Variants in STRN observed in about 807,000 individuals in gnomAD.
STRN encodes striatin, also known as protein phosphatase 2 regulatory subunit B'''alpha.
In STRN, 53 loss-of-function variants were observed where a neutral mutation model predicts 96.3. The ratio of observed to expected loss-of-function variants is 0.55; its 90% CI spans 0.44 to 0.69. STRN has a LOEUF of 0.69. Ranked by LOEUF, STRN falls within the 30% of genes least tolerant of loss-of-function variation. The pLI is 0.00. For synonymous variants in STRN, 428 were observed against 355.9 expected (o/e 1.20, Z -2.28); for missense variants, 987 against 963.9 (o/e 1.02, Z -0.32).
At chr2:36,894,128 T>A (rs757686412) in intron 6 of STRN, 95 bp from the exon 7 acceptor site, 29 of 1,422,970 alleles carry the variant, frequency 2.0e-5, no homozygotes, top group Non-Finnish European at 2.7e-5. Context: ...AGTATACGTT[T>A]GTTGTGTTAA....
chr2:36,869,046 T>A lies in STRN; in HGVS notation c.1499+508A>T, dbSNP rs1401122863. Among the ~76,000 whole-genome samples the A allele has an allele frequency of 2.0e-5, 3 of 152,190 alleles. No homozygotes were observed. The South Asian group carries it at 6.2e-4, about 31-fold the overall frequency. ...GTGAGCACTAGCAGTCATGTTAGCC[T>A]CTGAGTCTAGACATATTGGTGGGTA... On this transcript the variant is annotated intron_variant, in intron 11 of 17. Transcript: ENST00000263918.
rs190135602 is a variant in STRN at position 36,883,887 on chromosome 2, T to C, written c.1186+45A>G. On this transcript the variant is annotated intron_variant, in intron 9 of 17. Transcript: ENST00000263918. ...TTTCTAATGAATGAATTTAAAGATA[T>C]ACATCCAAGTGCATTTTGTGCTCCA... is the stretch of plus-strand genomic sequence containing the variant. 9.5e-5 allele frequency: 124 copies of C among 1,312,158 alleles called. No individual in the cohort carries two copies. The African/African-American group carries it at 1.7e-3, about 18-fold the overall frequency. 81.3% of individuals were successfully genotyped at this position (1,312,158 alleles called of 1,614,324 possible).
intron 2 of STRN, among the ~76,000 whole-genome samples, chr2:36,922,025 T>C (rs906641464): frequency 7.9e-5 from 12 of 152,198 alleles, no homozygotes; most frequent in African/African-American, 2.4e-4. Flanking sequence ...ACTATAATCA[T>C]ATAAGGAAAT....
rs917793919 is a variant in STRN, at chr2:36,845,350, A to T, written c.*4106T>A. 6.6e-6 allele frequency: 1 copy of T among 151,612 alleles called. No individual in the cohort carries two copies. Among genetic ancestry groups the T allele is most frequent in the African/African-American group, 2.4e-5 (1 of 40,882 alleles). The allele number at this position is 151,612 out of a possible 1,614,324, so 9.4% of individuals were successfully genotyped here. A position where few individuals can be genotyped will look rare whatever the true frequency, so the allele number is the denominator to read the frequency against. ...AATGACAAAGCCTGAGAAAAGCACC[A>T]ACATAGATTTTTTTTTAATTGCATC... On this transcript the variant is annotated 3_prime_UTR_variant, in exon 18 of 18. Coordinates refer to ENST00000263918, the MANE Select transcript of STRN (RefSeq NM_003162.4).
rs997341056 is a variant in STRN, at chr2:36,849,324, C to T, written c.*132G>A. On this transcript the variant is annotated 3_prime_UTR_variant, in exon 18 of 18. Coordinates refer to ENST00000263918, the MANE Select transcript of STRN (RefSeq NM_003162.4). ...GTATATGAATTGCAAAACTATACTT[C>T]AACAAATGTTCTCTGTGCTCCTTCA... 2.5e-5 allele frequency: 27 copies of T among 1,098,378 alleles called. No individual in the cohort carries two copies. The highest frequency in any genetic ancestry group is 3.5e-5 in the Non-Finnish European group (27 of 778,910). The allele number at this position is 1,098,378 out of a possible 1,614,324, so 68.0% of individuals were successfully genotyped here.
chr2:36,951,362 G>T (rs1173359024), intron 1 of STRN, among the ~76,000 whole-genome samples: 1 of 152,156 alleles, frequency 6.6e-6, no homozygotes, highest in Non-Finnish European at 1.5e-5. Context: ...ATTTGGTATG[G>T]CCCAGGCAAT....
At position 36,845,838 on chromosome 2, in the gene STRN, TAA is replaced by T. The variant is rs1668053602; in HGVS notation, c.*3616_*3617del. 1 of 148,312 alleles carries T rather than the reference TAA, an allele frequency of 6.7e-6. No homozygotes were observed. The highest frequency in any genetic ancestry group is 1.5e-5 in the Non-Finnish European group (1 of 67,168). The allele number at this position is 148,312 out of a possible 1,614,324, so 9.2% of individuals were successfully genotyped here. A position where few individuals can be genotyped will look rare whatever the true frequency, so the allele number is the denominator to read the frequency against. On this transcript the variant is annotated 3_prime_UTR_variant, in exon 18 of 18. Transcript: ENST00000263918. Reference sequence around the variant, plus strand: ...AGTCCTAGAAGTTGAGCAGATACATTAAAAAGACATTGATGGTCACAAATCAG... The same window carrying T: ...AGTCCTAGAAGTTGAGCAGATACATTAAAGACATTGATGGTCACAAATCAG...
intron 1 of STRN, among the ~76,000 whole-genome samples, chr2:36,948,311 G>C (rs1038761242): frequency 1.3e-5 from 2 of 151,754 alleles, no homozygotes; most frequent in Non-Finnish European, 2.9e-5. Context: ...TGTTGGCCAG[G>C]CTGGTCTCCA....
At chr2:36,880,103 G>C (rs1221384655) in intron 9 of STRN, among the ~76,000 whole-genome samples, 3 of 152,200 alleles carry the variant, frequency 2.0e-5, no homozygotes, top group Admixed American at 2.0e-4. Flanking sequence ...AAGTAGCTGA[G>C]ATTACAGGCA....
chr2:36,871,642 T>C (rs1668765105), intron 10 of STRN, among the ~76,000 whole-genome samples: 1 of 152,202 alleles, frequency 6.6e-6, no homozygotes, highest in South Asian at 2.1e-4. Context: ...ACAGCTGTTA[T>C]TTTGGGCATT....
At chr2:36,938,094 G>A (rs1670752083) in intron 1 of STRN, among the ~76,000 whole-genome samples, 3 of 152,132 alleles carry the variant, frequency 2.0e-5, no homozygotes, top group South Asian at 4.1e-4. Flanking sequence ...AGGAAAAAGT[G>A]TTATCATGCA....
At chr2:36,938,810 G>C (rs937188722) in intron 1 of STRN, among the ~76,000 whole-genome samples, 1 of 151,912 alleles carries the variant, frequency 6.6e-6, no homozygotes, top group African/African-American at 2.4e-5. Flanking sequence ...TTCTCTATTA[G>C]ACATAATATA....
intron 3 of STRN, among the ~76,000 whole-genome samples, chr2:36,907,480 G>A (rs149774676): frequency 1.0e-3 from 152 of 152,110 alleles, no homozygotes; most frequent in African/African-American, 3.3e-3. Flanking sequence ...CCTGAGAGGC[G>A]GAGGTTGCAG....
At chr2:36,929,674 C>T (rs537034636) in intron 1 of STRN, among the ~76,000 whole-genome samples, 6 of 152,258 alleles carry the variant, frequency 3.9e-5, no homozygotes, top group African/African-American at 1.2e-4. Flanking sequence ...TGAGCCACCA[C>T]GCCCAGCCTT....
At chr2:36,930,056 G>A (rs568311734) in intron 1 of STRN, among the ~76,000 whole-genome samples, 14 of 152,166 alleles carry the variant, frequency 9.2e-5, no homozygotes, top group African/African-American at 3.4e-4. Flanking sequence ...GAAAAGCTTT[G>A]GATTATATTA....
chr2:36,893,608 T>C (rs530280744), intron 7 of STRN, among the ~76,000 whole-genome samples: 7 of 152,332 alleles, frequency 4.6e-5, no homozygotes, highest in African/African-American at 1.7e-4. Context: ...CACAAAAATC[T>C]AGATTTGCAA....
intron 3 of STRN, among the ~76,000 whole-genome samples, chr2:36,909,466 A>C (rs1326390366): frequency 1.3e-5 from 2 of 152,326 alleles, no homozygotes; most frequent in African/African-American, 4.8e-5. Context: ...ACAGACGATA[A>C]ACAATGGTTT....
intron 15 of STRN, among the ~76,000 whole-genome samples, chr2:36,851,836 G>C (rs886279483): frequency 2.0e-5 from 3 of 152,110 alleles, no homozygotes; most frequent in Admixed American, 6.6e-5. Context: ...ATGACAAAGA[G>C]GGCTTCTTAA....
intron 1 of STRN, among the ~76,000 whole-genome samples, chr2:36,940,235 T>C (rs1406300123): frequency 6.6e-6 from 1 of 152,134 alleles, no homozygotes; most frequent in South Asian, 2.1e-4. Flanking sequence ...GGAAAAGTAA[T>C]AGAAGAAATA....
Sources: allele counts gnomAD v4.1 joint callset (sites outside exome capture counted in the v4.1 genomes callset), GRCh38; gene constraint gnomAD v4.1.1; transcripts MANE v1.5; gene names NCBI Gene and HGNC (gene_info 2026-07-23, HGNC 2026-07-21).